ABCC11: variants seen among roughly 807,000 people sequenced by gnomAD.
ABCC11 encodes the protein ATP-binding cassette sub-family C member 11.
ABCC11 carries 135 observed loss-of-function variants against 149.3 expected under a neutral mutation model. The observed-to-expected ratio is 0.90, with a 90% CI of 0.79 to 1.04. The LOEUF is 1.04. Among genes scored for constraint, ABCC11 ranks in the 50% least tolerant of loss-of-function variants. The pLI is 0.00. For missense variants in ABCC11, 1,680 were observed against 1,722.1 expected, an observed-to-expected ratio of 0.98 and a Z score of 0.43; for synonymous variants, 665 against 671.4, an observed-to-expected ratio of 0.99 and a Z score of 0.15.
rs544058510 is a variant in ABCC11 at position 48,170,725 on chromosome 16, T to A, written c.3777+164A>T. On this transcript the variant is annotated intron_variant, in intron 27 of 29. Transcript: ENST00000356608. Reference sequence around the variant, plus strand: ...GCACACGGTTGGTGTCTGAGTGCCATCAGCCTTGACTTAGGAATGCCAAGT... The same window carrying A: ...GCACACGGTTGGTGTCTGAGTGCCAACAGCCTTGACTTAGGAATGCCAAGT... 2.6e-5 allele frequency among the ~76,000 whole-genome samples: 4 copies of A among 152,328 alleles called. No individual in the cohort carries two copies. In the South Asian group the frequency reaches 8.3e-4, roughly 32 times the overall value.
chr16:48,213,645 C>A (rs1436838716), intron 9 of ABCC11, 95 bp from the exon 10 acceptor site: 13 of 925,836 alleles, frequency 1.4e-5, no homozygotes, highest in Non-Finnish European at 1.9e-5. Flanking sequence ...CCTCAGCATC[C>A]AACAAGCAGT....
At chr16:48,239,417 C>T (rs144310632) in intron 1 of ABCC11, among the ~76,000 whole-genome samples, 1 of 152,020 alleles carries the variant, frequency 6.6e-6, no homozygotes, top group African/African-American at 2.4e-5. Context: ...AAAAAATTAG[C>T]CAGGTGTGGT....
intron 9 of ABCC11, among the ~76,000 whole-genome samples, chr16:48,214,141 G>A (rs1969147285): frequency 6.6e-6 from 1 of 151,954 alleles, no homozygotes; most frequent in Non-Finnish European, 1.5e-5. Flanking sequence ...TCTTCTCCTG[G>A]CTTCATCCAA....
Position 48,198,011 on chromosome 16 carries a change from A to C in ABCC11, c.2274T>G (p.Ala758=). Residue 758 remains alanine (A), a synonymous_variant, in exon 17 of 30, where the codon GCT becomes GCG. Transcript: ENST00000356608. ...IAEKPKVESQ[A]LATSLEESLN... ...GAGACTCTTCCAGGGAGGTGGCCAG[A>C]GCCTGACTTTCTACCTTTGGCTTCT... 1.9e-6 allele frequency: 3 copies of C among 1,614,182 alleles called. No individual in the cohort carries two copies. Among genetic ancestry groups the C allele is most frequent in the African/African-American group, 1.3e-5 (1 of 75,052 alleles).
intron 3 of ABCC11, 102 bp downstream of exon 3, chr16:48,230,335 G>A: frequency 7.2e-7 from 1 of 1,395,354 alleles, no homozygotes; most frequent in Non-Finnish European, 9.5e-7. Context: ...TGGCTGTGTA[G>A]GGATGTAGTT....
intron 23 of ABCC11, 125 bp from the exon 24 acceptor site, chr16:48,178,811 T>G: frequency 4.8e-6 from 4 of 826,450 alleles, no homozygotes; most frequent in Non-Finnish European, 7.6e-6. Flanking sequence ...ATAATTTTCC[T>G]AGCAAGAATG....
chr16:48,229,278 C>A (rs1049829813), intron 3 of ABCC11, among the ~76,000 whole-genome samples: 1 of 151,804 alleles, frequency 6.6e-6, no homozygotes, highest in Non-Finnish European at 1.5e-5. Flanking sequence ...ATGAAAGTAC[C>A]AAGGTTCTTT....
At chr16:48,171,194 C>A (rs1297369074) in intron 26 of ABCC11, among the ~76,000 whole-genome samples, 1 of 152,192 alleles carries the variant, frequency 6.6e-6, no homozygotes, top group Non-Finnish European at 1.5e-5. Flanking sequence ...AGTCCCCCAG[C>A]CCATGTGTTC....
intron 12 of ABCC11, among the ~76,000 whole-genome samples, chr16:48,206,829 A>C (rs944113917): frequency 6.6e-6 from 1 of 152,210 alleles, no homozygotes; most frequent in Non-Finnish European, 1.5e-5. Flanking sequence ...TCACGTACTC[A>C]TCTGTAAATG....
intron 6 of ABCC11, 109 bp from the exon 7 acceptor site, chr16:48,216,396 G>T: frequency 6.3e-6 from 7 of 1,108,318 alleles, no homozygotes; most frequent in Non-Finnish European, 2.6e-6. Context: ...TGAAAGGAAG[G>T]GTGGAAGAGT....
rs139677111 is a variant in ABCC11 at position 48,178,628 on chromosome 16, G to A, written c.3317C>T (p.Thr1106Met). 3.0e-5 allele frequency: 48 copies of A among 1,613,974 alleles called. No individual in the cohort carries two copies. The highest frequency in any genetic ancestry group is 1.6e-4 in the Middle Eastern group (1 of 6,084). The stretch of plus-strand genomic sequence containing the variant: ...GTACTGCAGTATCCTCTCTACAGCC[G>A]TGAACTGTGCCTCTGTCTCCAAGCC... Reference protein sequence around the residue: ...RIGLETEAQFTAVERILQYMK... With the variant: ...RIGLETEAQFMAVERILQYMK... Residue 1106 changes from threonine (T) to methionine (M), a missense_variant, in exon 24 of 30, where the codon ACG becomes ATG. Transcript: ENST00000356608.
chr16:48,189,669 A>G (rs957721302), intron 20 of ABCC11, among the ~76,000 whole-genome samples: 1 of 152,198 alleles, frequency 6.6e-6, no homozygotes, highest in African/African-American at 2.4e-5. Context: ...GAATCTTGGA[A>G]TGTGCCATCA....
chr16:48,186,842 G>T, intron 22 of ABCC11, 111 bp downstream of exon 22: 1 of 1,345,810 alleles, frequency 7.4e-7, no homozygotes, highest in Non-Finnish European at 1.0e-6. Flanking sequence ...ATCGAACAAT[G>T]TGCTCTCTGA....
intron 23 of ABCC11, among the ~76,000 whole-genome samples, chr16:48,183,884 A>C (rs1486813940): frequency 6.6e-6 from 1 of 152,100 alleles, no homozygotes; most frequent in Non-Finnish European, 1.5e-5. Flanking sequence ...AGTGAGTCAA[A>C]CCCCCCGGCT....
intron 11 of ABCC11, 140 bp downstream of exon 11, chr16:48,210,808 A>G: frequency 8.4e-7 from 1 of 1,196,920 alleles, no homozygotes; most frequent in African/African-American, 1.5e-5. Flanking sequence ...GCCCTCCATG[A>G]AAAATTTGAA....
Position 48,184,439 on chromosome 16 carries a change from C to T in ABCC11, c.3258+1G>A. The T allele has an allele frequency of 6.2e-7, 1 of 1,613,462 alleles. No homozygotes were observed. The highest frequency in any genetic ancestry group is 8.5e-7 in the Non-Finnish European group (1 of 1,179,604). On this transcript the variant is annotated splice_donor_variant, in intron 23 of 29. Transcript: ENST00000356608. LOFTEE classifies it high-confidence loss of function. ...GGGCCCACACAGAGTCACCCCCTCA[C>T]CTGCAGCACGATGTTGACAGCCATG...
chr16:48,236,349 C>T (rs1394077470), intron 1 of ABCC11, among the ~76,000 whole-genome samples: 9 of 152,178 alleles, frequency 5.9e-5, no homozygotes, highest in Non-Finnish European at 1.3e-4. Flanking sequence ...ACTCAAATGC[C>T]ACCTCCTCAG....
chr16:48,220,314 C>T (rs1323303254), intron 6 of ABCC11, among the ~76,000 whole-genome samples: 1 of 152,232 alleles, frequency 6.6e-6, no homozygotes, highest in Non-Finnish European at 1.5e-5. Flanking sequence ...CCTTTCCTTG[C>T]CTCAGTTTCC....
intron 20 of ABCC11, among the ~76,000 whole-genome samples, chr16:48,187,749 A>T (rs1313767491): frequency 6.6e-6 from 1 of 152,218 alleles, no homozygotes; most frequent in African/African-American, 2.4e-5. Flanking sequence ...ACTGAAGTGT[A>T]TAATTAAAAG....
Sources: allele counts gnomAD v4.1 joint callset (sites outside exome capture counted in the v4.1 genomes callset), GRCh38; gene constraint gnomAD v4.1.1; transcripts MANE v1.5; gene names NCBI Gene and HGNC (gene_info 2026-07-23, HGNC 2026-07-21).